COMMD1: variants seen among roughly 807,000 people sequenced by gnomAD.
The protein encoded by COMMD1 is COMM domain-containing protein 1.
COMMD1 carries 10 observed loss-of-function variants against 17.2 expected under a neutral mutation model. The ratio of observed to expected loss-of-function variants is 0.58; its 90% CI spans 0.36 to 0.99. COMMD1 has a LOEUF of 0.99. Among genes scored for constraint, COMMD1 ranks in the 50% least tolerant of loss-of-function variants. The probability of loss-of-function intolerance (pLI) is 0.01; values close to 1 mark genes in which losing one functional copy is unlikely to be tolerated. For synonymous variants in COMMD1, 97 were observed against 91.6 expected, an observed-to-expected ratio of 1.06 and a Z score of -0.34; for missense variants, 270 against 231.8, an observed-to-expected ratio of 1.17 and a Z score of -1.07.
intron 1 of COMMD1, among the ~76,000 whole-genome samples, chr2:61,996,618 A>G (rs1668762371): frequency 6.6e-6 from 1 of 152,164 alleles, no homozygotes; most frequent in Non-Finnish European, 1.5e-5. Flanking sequence ...AAGTTTCTGT[A>G]ATGTTCTAAG....
chr2:62,100,031 C>G (rs1672132004), intron 2 of COMMD1, among the ~76,000 whole-genome samples: 1 of 151,558 alleles, frequency 6.6e-6, no homozygotes, highest in Non-Finnish European at 1.5e-5. Context: ...AGAGAAAAGG[C>G]AATGGAGAAT....
intron 1 of COMMD1, among the ~76,000 whole-genome samples, chr2:61,908,320 G>T (rs6724773): frequency 6.7e-6 from 1 of 149,978 alleles, no homozygotes; most frequent in African/African-American, 2.5e-5. Context: ...TCCACCTCCC[G>T]GGTTTAAGTG....
intron 1 of COMMD1, among the ~76,000 whole-genome samples, chr2:61,908,643 C>T (rs1205816527): frequency 6.6e-6 from 1 of 151,958 alleles, no homozygotes; most frequent in Non-Finnish European, 1.5e-5. Flanking sequence ...TCACTGCAAC[C>T]TCTGCCTCCC....
intron 1 of COMMD1, among the ~76,000 whole-genome samples, chr2:61,894,354 G>C (rs7562425): frequency 1.6e-3 from 247 of 151,922 alleles, no homozygotes; most frequent in African/African-American, 5.3e-3. Flanking sequence ...CACCCGCCTT[G>C]GCCTCCCAAA....
intron 1 of COMMD1, among the ~76,000 whole-genome samples, chr2:61,889,416 G>C (rs1430953893): frequency 6.6e-6 from 1 of 151,968 alleles, no homozygotes; most frequent in African/African-American, 2.4e-5. Flanking sequence ...TCGCTGTGTT[G>C]CCCAGGCTGG....
At chr2:62,113,552 T>C (rs2104051490) in intron 2 of COMMD1, among the ~76,000 whole-genome samples, 1 of 152,060 alleles carries the variant, frequency 6.6e-6, no homozygotes, top group South Asian at 2.1e-4. Flanking sequence ...CCCAGCTAAT[T>C]TTTGTATTTT....
chr2:61,938,107 A>G (rs1236009775), intron 1 of COMMD1, among the ~76,000 whole-genome samples: 1 of 152,224 alleles, frequency 6.6e-6, no homozygotes, highest in South Asian at 2.1e-4. Flanking sequence ...TCTACCAACT[A>G]GAATGTCGGG....
At chr2:62,057,069 A>ACCACCC (rs1425340736) in intron 2 of COMMD1, among the ~76,000 whole-genome samples, 1 of 152,120 alleles carries the variant, frequency 6.6e-6, no homozygotes, top group Non-Finnish European at 1.5e-5. Context: ...ACTGTCTCCC[A>ACCACCC]CCACCCCCAA....
intron 2 of COMMD1, among the ~76,000 whole-genome samples, chr2:62,066,850 C>T (rs1381248066): frequency 6.6e-6 from 1 of 151,680 alleles, no homozygotes. Flanking sequence ...CTCAGCCTCC[C>T]GAGTAGTTGG....
chr2:61,920,981 A>ATATACATATATATATT (rs749403795), intron 1 of COMMD1, among the ~76,000 whole-genome samples: 1 of 141,400 alleles, frequency 7.1e-6, no homozygotes, highest in African/African-American at 2.7e-5. Flanking sequence ...ATATATATAT[A>ATATACATATATATATT]TTTTTTTTTT....
chr2:61,898,522 TTAA>T (rs1669596398), intron 1 of COMMD1, among the ~76,000 whole-genome samples: 1 of 152,002 alleles, frequency 6.6e-6, no homozygotes, highest in South Asian at 2.1e-4. Flanking sequence ...AGGGTGAATG[TTAA>T]TAACAGCAGA....
In COMMD1 at chr2:62,023,561, G is replaced by A. The variant is rs368143612; in HGVS notation, c.462+22579G>A. 4.6e-5 allele frequency among the ~76,000 whole-genome samples: 7 copies of A among 151,898 alleles called. No individual in the cohort carries two copies. The South Asian group carries it at 1.5e-3, about 32-fold the overall frequency. On this transcript the variant is annotated intron_variant, in intron 2 of 2. Transcript: ENST00000311832. The stretch of plus-strand genomic sequence containing the variant: ...TGCAGTGGAGCAATCTTGGTTCACT[G>A]CAAGCTTCACCTCCTGGGTTCAAGC...
At chr2:61,925,128 G>A (rs1221902441) in intron 1 of COMMD1, among the ~76,000 whole-genome samples, 1 of 152,022 alleles carries the variant, frequency 6.6e-6, no homozygotes, top group African/African-American at 2.4e-5. Flanking sequence ...AGATTCTCTG[G>A]GTCTTTGGCA....
chr2:61,919,072 T>C (rs1670118516), intron 1 of COMMD1, among the ~76,000 whole-genome samples: 1 of 152,158 alleles, frequency 6.6e-6, no homozygotes, highest in Non-Finnish European at 1.5e-5. Flanking sequence ...AGTGCAATGG[T>C]GTGATCTCGG....
upstream of COMMD1, among the ~76,000 whole-genome samples, chr2:61,901,388 C>G (rs183790722): frequency 6.6e-6 from 1 of 151,250 alleles, no homozygotes; most frequent in Non-Finnish European, 1.5e-5. Flanking sequence ...TTTGGGAGGC[C>G]GAGGTGGGTG....
chr2:61,965,809 T>TTA (rs1301848506), intron 1 of COMMD1, among the ~76,000 whole-genome samples: 2 of 152,180 alleles, frequency 1.3e-5, no homozygotes, highest in Non-Finnish European at 2.9e-5. Flanking sequence ...TTTAAGTTAA[T>TTA]ATTTTGTTAG....
At chr2:61,988,347 A>C (rs1340961806) in intron 1 of COMMD1, among the ~76,000 whole-genome samples, 1 of 152,180 alleles carries the variant, frequency 6.6e-6, no homozygotes, top group Non-Finnish European at 1.5e-5. Context: ...CTGATTATTC[A>C]GGGCTGAAAG....
intron 2 of COMMD1, among the ~76,000 whole-genome samples, chr2:62,010,092 A>T (rs751095952): frequency 6.1e-4 from 93 of 152,288 alleles, no homozygotes; most frequent in Non-Finnish European, 9.3e-4. Flanking sequence ...CTGTACTGTT[A>T]ATACAGTACT....
At chr2:62,116,723 T>C (rs913370596) in intron 2 of COMMD1, among the ~76,000 whole-genome samples, 2 of 142,258 alleles carry the variant, frequency 1.4e-5, no homozygotes, top group African/African-American at 5.3e-5. Context: ...TGGTGGCTCA[T>C]GCCTGTAAAT....
Sources: gnomAD v4.1 joint callset for allele counts (sites outside exome capture counted in the v4.1 genomes callset) on GRCh38, gnomAD v4.1.1 for gene constraint, MANE v1.5 for transcripts, NCBI Gene and HGNC (gene_info 2026-07-23, HGNC 2026-07-21) for gene names.